SLC8A1: variants seen among roughly 807,000 people sequenced by gnomAD.
The protein encoded by SLC8A1 is sodium/calcium exchanger 1.
Under a neutral mutation model 68.3 loss-of-function variants are expected in SLC8A1, and 18 were observed. The ratio of observed to expected loss-of-function variants is 0.26; its 90% CI spans 0.18 to 0.39. The LOEUF (loss-of-function observed/expected upper bound fraction) is 0.39, where lower values mean the gene tolerates loss of function less well. Among genes scored for constraint, SLC8A1 ranks in the 10% least tolerant of loss-of-function variants. The probability of loss-of-function intolerance (pLI) is 1.00; values close to 1 mark genes in which losing one functional copy is unlikely to be tolerated. For missense variants in SLC8A1, 985 were observed against 1,156.7 expected (o/e 0.85, Z 2.15); for synonymous variants, 475 against 415.5 (o/e 1.14, Z -1.74).
intron 2 of SLC8A1, among the ~76,000 whole-genome samples, chr2:40,299,559 A>G (rs187585336): frequency 2.0e-5 from 3 of 152,144 alleles, no homozygotes; most frequent in South Asian, 2.1e-4. Flanking sequence ...TGCTGGCTCA[A>G]TTCTCAGGAA....
At chr2:40,504,254 T>C (rs1226506168) in intron 1 of SLC8A1, among the ~76,000 whole-genome samples, 3 of 151,886 alleles carry the variant, frequency 2.0e-5, no homozygotes, top group African/African-American at 7.2e-5. Context: ...TGAATATCCA[T>C]ATGTAGAAGA....
intron 2 of SLC8A1, among the ~76,000 whole-genome samples, chr2:40,413,897 G>A (rs1239643652): frequency 3.9e-5 from 6 of 152,134 alleles, no homozygotes; most frequent in African/African-American, 1.4e-4. Context: ...ACATGATGAT[G>A]CGTCTCACTA....
intron 1 of SLC8A1, among the ~76,000 whole-genome samples, chr2:40,462,432 G>C (rs1314123231): frequency 1.3e-5 from 2 of 150,776 alleles, no homozygotes; most frequent in Non-Finnish European, 2.9e-5. Context: ...CCTAGTGTTA[G>C]AAAAATACCT....
chr2:40,436,337 T>A (rs1699414667), intron 1 of SLC8A1, among the ~76,000 whole-genome samples: 2 of 152,110 alleles, frequency 1.3e-5, no homozygotes, highest in South Asian at 4.1e-4. Flanking sequence ...GCCTAAGCAT[T>A]TGCAGTTAAA....
intron 2 of SLC8A1, among the ~76,000 whole-genome samples, chr2:40,299,487 G>C (rs747600679): frequency 2.4e-4 from 36 of 152,126 alleles, no homozygotes; most frequent in Non-Finnish European, 5.0e-4. Context: ...AGGAGCCCTG[G>C]AAGATCTGTT....
chr2:40,450,817 A>G (rs1702309848), intron 1 of SLC8A1, among the ~76,000 whole-genome samples: 1 of 152,206 alleles, frequency 6.6e-6, no homozygotes, highest in African/African-American at 2.4e-5. Context: ...CTTTCCAATG[A>G]CTGCGTACAA....
At chr2:40,151,136 A>AAAT (rs2043339707) in intron 6 of SLC8A1, among the ~76,000 whole-genome samples, 1 of 152,228 alleles carries the variant, frequency 6.6e-6, no homozygotes. Context: ...TCCAATTTGC[A>AAAT]AATACACAGA....
intron 2 of SLC8A1, among the ~76,000 whole-genome samples, chr2:40,350,515 C>T (rs1439036285): frequency 7.9e-6 from 1 of 126,540 alleles, no homozygotes; most frequent in African/African-American, 3.0e-5. Flanking sequence ...TGGCATTTAT[C>T]AAATTACAAA....
exon 2 of SLC8A1, chr2:40,428,509 G>T: frequency 6.2e-7 from 1 of 1,610,364 alleles, no homozygotes; most frequent in East Asian, 2.2e-5. Context: ...CTCTCCACAA[G>T]TGTCCTCAAA....
At chr2:40,509,127 T>G (rs976416826) in intron 1 of SLC8A1, among the ~76,000 whole-genome samples, 1 of 152,236 alleles carries the variant, frequency 6.6e-6, no homozygotes, top group Non-Finnish European at 1.5e-5. Flanking sequence ...CATACAATTT[T>G]CTTCCAATAC....
intron 1 of SLC8A1, among the ~76,000 whole-genome samples, chr2:40,483,278 AAT>A (rs574973821): frequency 1.8e-4 from 27 of 150,276 alleles, no homozygotes; most frequent in African/African-American, 4.6e-4. Flanking sequence ...TATGTTAAAA[AAT>A]ATATATATAT....
intron 6 of SLC8A1, among the ~76,000 whole-genome samples, chr2:40,141,350 G>T (rs2041529697): frequency 6.6e-6 from 1 of 152,214 alleles, no homozygotes; most frequent in Admixed American, 6.5e-5. Context: ...GTCTGGATTT[G>T]TCCTCTGTCA....
At chr2:40,392,593 T>C (rs979381683) in intron 2 of SLC8A1, among the ~76,000 whole-genome samples, 1 of 152,160 alleles carries the variant, frequency 6.6e-6, no homozygotes, top group East Asian at 1.9e-4. Flanking sequence ...GCTGAAGATC[T>C]ACCAATTTGC....
chr2:40,139,699 C>T lies in SLC8A1; in HGVS notation c.2162-23G>A, dbSNP rs765065610. The T allele has an allele frequency of 1.5e-5, 24 of 1,603,658 alleles. No homozygotes were observed. The East Asian group carries it at 5.4e-4, about 36-fold the overall frequency. ...CCCCTAGAGAGAATGGAAGGAAGCA[C>T]ATTTCATCACAACCTGTGTTGCCGG... On this transcript the variant is annotated intron_variant, in intron 6 of 7. Transcript: ENST00000406785.
At chr2:40,497,351 G>C (rs952265791) in intron 1 of SLC8A1, among the ~76,000 whole-genome samples, 1 of 151,932 alleles carries the variant, frequency 6.6e-6, no homozygotes, top group Admixed American at 6.6e-5. Context: ...GTCAAGTCCT[G>C]AGTATATCAA....
chr2:40,452,107 C>A, upstream of SLC8A1: 1 of 148,480 alleles, frequency 6.7e-6, no homozygotes, highest in South Asian at 2.0e-4. Flanking sequence ...CAGCGGTGCG[C>A]GCGGGCGGGA....
chr2:40,505,187 C>G (rs1162856393), intron 1 of SLC8A1, among the ~76,000 whole-genome samples: 3 of 151,678 alleles, frequency 2.0e-5, no homozygotes, highest in Non-Finnish European at 4.4e-5. Flanking sequence ...AGGATGGTTA[C>G]CAGAGGCTGG....
intron 2 of SLC8A1, among the ~76,000 whole-genome samples, chr2:40,369,552 T>A (rs753833240): frequency 2.0e-5 from 3 of 152,126 alleles, no homozygotes; most frequent in Non-Finnish European, 4.4e-5. Context: ...TGTTTTACTG[T>A]ACTCCAGTCA....
chr2:40,158,687 A>G (rs1232174956), intron 6 of SLC8A1, among the ~76,000 whole-genome samples: 2 of 152,134 alleles, frequency 1.3e-5, no homozygotes, highest in Non-Finnish European at 2.9e-5. Flanking sequence ...TCCTTCTTCT[A>G]AAGGGCAGTA....
Sources: allele counts gnomAD v4.1 joint callset (sites outside exome capture counted in the v4.1 genomes callset), GRCh38; gene constraint gnomAD v4.1.1; transcripts MANE v1.5; gene names NCBI Gene and HGNC (gene_info 2026-07-23, HGNC 2026-07-21).